Variants in ABHD17C observed in about 807,000 individuals in gnomAD.
The protein encoded by ABHD17C is alpha/beta hydrolase domain-containing protein 17C.
Under a neutral mutation model 27.9 loss-of-function variants are expected in ABHD17C, and 11 were observed. That is an observed-to-expected ratio of 0.39 (90% CI 0.25 to 0.65). ABHD17C has a LOEUF of 0.65. Among genes scored for constraint, ABHD17C ranks in the 30% least tolerant of loss-of-function variants. ABHD17C has a pLI of 0.45. For missense variants in ABHD17C, 280 were observed against 470.2 expected (o/e 0.60, Z 3.74); for synonymous variants, 233 against 209.1 (o/e 1.11, Z -0.98).
At chr15:80,730,191 G>T (rs79573188) in intron 1 of ABHD17C, among the ~76,000 whole-genome samples, 1,625 of 152,098 alleles carry the variant, frequency 0.011, 15 homozygotes, top group Middle Eastern at 0.035. Flanking sequence ...AGCCTCACCA[G>T]AGAAATGGAA....
chr15:80,711,867 G>C (rs923182198), intron 1 of ABHD17C, among the ~76,000 whole-genome samples: 4 of 152,154 alleles, frequency 2.6e-5, no homozygotes, highest in South Asian at 2.1e-4. Context: ...TATTTCTCAG[G>C]ACTTGTCCCT....
At chr15:80,749,382 G>A (rs1349117157) in intron 1 of ABHD17C, 131 bp from the exon 2 acceptor site, 7 of 898,016 alleles carry the variant, frequency 7.8e-6, no homozygotes, top group South Asian at 3.7e-5. Flanking sequence ...AAACTAAAGT[G>A]TACAAGTTAG....
At chr15:80,700,878 G>A (rs1230182581) in intron 1 of ABHD17C, among the ~76,000 whole-genome samples, 1 of 152,170 alleles carries the variant, frequency 6.6e-6, no homozygotes, top group African/African-American at 2.4e-5. Flanking sequence ...TCTAGCCTGG[G>A]CAACAGAGTG....
rs569725205 is a variant in ABHD17C at position 80,746,307 on chromosome 15, A to G, written c.591-3206A>G. Among the ~76,000 whole-genome samples the G allele has an allele frequency of 2.0e-5, 3 of 151,162 alleles. No individual in the cohort carries two copies. In the East Asian group the frequency reaches 5.8e-4, roughly 29 times the overall value. ...GTCAGTTGTCTTATTGATTTGTAGTAGTTATTTGTATATGCTAGATCTAGG... is the reference window on the plus strand; with the variant it reads ...GTCAGTTGTCTTATTGATTTGTAGTGGTTATTTGTATATGCTAGATCTAGG... On this transcript the variant is annotated intron_variant, in intron 1 of 2. Coordinates refer to ENST00000258884, the MANE Select transcript of ABHD17C (RefSeq NM_021214.2).
At chr15:80,709,788 CT>C (rs1305451473) in intron 1 of ABHD17C, among the ~76,000 whole-genome samples, 2 of 152,168 alleles carry the variant, frequency 1.3e-5, no homozygotes, top group African/African-American at 4.8e-5. Flanking sequence ...ACCTGGAATG[CT>C]TTGCTTCCAG....
intron 1 of ABHD17C, among the ~76,000 whole-genome samples, chr15:80,736,196 C>T (rs1188736281): frequency 4.6e-5 from 7 of 152,182 alleles, no homozygotes; most frequent in African/African-American, 9.7e-5. Context: ...TTGGAATGAA[C>T]AACCAATAGA....
At chr15:80,704,785 C>T (rs1282157567) in intron 1 of ABHD17C, 1 of 152,186 alleles carries the variant, frequency 6.6e-6, no homozygotes, top group Non-Finnish European at 1.5e-5. Flanking sequence ...TGACACAGAG[C>T]TCAGTCTGAC....
intron 1 of ABHD17C, among the ~76,000 whole-genome samples, chr15:80,745,839 A>G (rs1018923770): frequency 1.3e-5 from 2 of 152,210 alleles, no homozygotes; most frequent in Admixed American, 6.5e-5. Flanking sequence ...ACCATACCAC[A>G]GTTTCTTTAT....
chr15:80,711,419 A>G (rs1057491970), intron 1 of ABHD17C, among the ~76,000 whole-genome samples: 1 of 152,194 alleles, frequency 6.6e-6, no homozygotes, highest in African/African-American at 2.4e-5. Flanking sequence ...GCAGCAGGAC[A>G]GCTCCATGCT....
intron 1 of ABHD17C, among the ~76,000 whole-genome samples, chr15:80,706,684 C>G (rs1454857200): frequency 1.3e-5 from 2 of 152,188 alleles, no homozygotes; most frequent in Non-Finnish European, 2.9e-5. Context: ...TAATCTCAGA[C>G]TGTTTTTGGA....
intron 1 of ABHD17C, among the ~76,000 whole-genome samples, chr15:80,703,942 G>A (rs150138120): frequency 3.3e-5 from 5 of 152,174 alleles, no homozygotes; most frequent in African/African-American, 4.8e-5. Context: ...AGTAGGCACA[G>A]TAAGAGATTA....
chr15:80,696,673 GA>G (rs1485252982), intron 1 of ABHD17C, among the ~76,000 whole-genome samples: 1 of 152,182 alleles, frequency 6.6e-6, no homozygotes, highest in East Asian at 1.9e-4. Context: ...GGATAAGTTT[GA>G]AACTTGCAGG....
chr15:80,715,322 A>G (rs1894789373), intron 1 of ABHD17C, among the ~76,000 whole-genome samples: 1 of 152,212 alleles, frequency 6.6e-6, no homozygotes, highest in Non-Finnish European at 1.5e-5. Flanking sequence ...ATGGCTGAGG[A>G]TTAGTAAACA....
At position 80,710,815 on chromosome 15, in the gene ABHD17C, C is replaced by T. The variant is rs180841244; in HGVS notation, c.590+14796C>T. Among the ~76,000 whole-genome samples the T allele has an allele frequency of 5.1e-4, 77 of 152,114 alleles. 1 individual carries two copies. Among genetic ancestry groups the T allele is most frequent in the Admixed American group, 4.1e-3 (63 of 15,270 alleles). ...GGAACTCCTGGGCTCAAGCAATCTT[C>T]CTGCCCCTGCCTCTGCCTCCCTAAG... On this transcript the variant is annotated intron_variant, in intron 1 of 2. Transcript: ENST00000258884.
intron 2 of ABHD17C, among the ~76,000 whole-genome samples, chr15:80,751,504 G>A (rs1895366185): frequency 6.6e-6 from 1 of 152,264 alleles, no homozygotes; most frequent in East Asian, 1.9e-4. Context: ...CACTTTTTGA[G>A]GCCAAGGCTG....
At chr15:80,733,986 TATTTATTTA>T (rs1486644201) in intron 1 of ABHD17C, among the ~76,000 whole-genome samples, 4 of 151,010 alleles carry the variant, frequency 2.6e-5, no homozygotes, top group Non-Finnish European at 4.4e-5. Flanking sequence ...TTTATTTATT[TATTTATTTA>T]TTTTTTTAAA....
intron 1 of ABHD17C, among the ~76,000 whole-genome samples, chr15:80,728,640 G>GT (rs1895015890): frequency 6.6e-6 from 1 of 152,142 alleles, no homozygotes. Flanking sequence ...ACTTTCTTTA[G>GT]TACATCTAAG....
chr15:80,712,504 T>C (rs1894741004), intron 1 of ABHD17C, among the ~76,000 whole-genome samples: 1 of 152,206 alleles, frequency 6.6e-6, no homozygotes, highest in Non-Finnish European at 1.5e-5. Flanking sequence ...GACTTCTGTA[T>C]AGAAGACAAA....
rs760377940 is a variant in ABHD17C, at chr15:80,749,519, C to T, written c.597C>T (p.Gly199=). 3.8e-5 allele frequency: 62 copies of T among 1,613,454 alleles called. No individual in the cohort carries two copies. The highest frequency in any genetic ancestry group is 4.6e-5 in the Non-Finnish European group (54 of 1,179,664). Residue 199 remains glycine, a synonymous_variant, in exon 2 of 3, where the codon GGC becomes GGT. Transcript: ENST00000258884. ...CAACCTCTGATTTCTCCAGGTATGG[C>T]GTGAGTCCCGAGAACATTATCCTCT... ...AAWQALRTRY[G]VSPENIILYG... is the part of the protein sequence containing the mutation.
Sources: allele counts gnomAD v4.1 joint callset (sites outside exome capture counted in the v4.1 genomes callset), GRCh38; gene constraint gnomAD v4.1.1; transcripts MANE v1.5; gene names NCBI Gene and HGNC (gene_info 2026-07-23, HGNC 2026-07-21).